Variants in IMPG2 observed in about 807,000 individuals in gnomAD.
The protein encoded by IMPG2 is IPM 200.
In IMPG2, 91 loss-of-function variants were observed where a neutral mutation model predicts 129.2. The ratio of observed to expected loss-of-function variants is 0.70; its 90% CI spans 0.59 to 0.84. IMPG2 has a LOEUF of 0.84. Ranked by LOEUF, IMPG2 falls within the 40% of genes least tolerant of loss-of-function variation. IMPG2 has a pLI of 0.00. For missense variants in IMPG2, 1,430 were observed against 1,461.7 expected, an observed-to-expected ratio of 0.98 and a Z score of 0.35; for synonymous variants, 510 against 517.7, an observed-to-expected ratio of 0.99 and a Z score of 0.20.
At chr3:101,313,964 T>C (rs1261205142) in intron 2 of IMPG2, among the ~76,000 whole-genome samples, 1 of 152,092 alleles carries the variant, frequency 6.6e-6, no homozygotes, top group Non-Finnish European at 1.5e-5. Flanking sequence ...AGAAATTACA[T>C]TTTTTAAAAT....
At chr3:101,247,952 C>G (rs112463771) in intron 11 of IMPG2, among the ~76,000 whole-genome samples, 1,688 of 152,312 alleles carry the variant, frequency 0.011, 31 homozygotes, top group African/African-American at 0.038. Flanking sequence ...CCTCCTCCCC[C>G]TCCTCCAGGA....
At chr3:101,254,691 G>T (rs980882828) in intron 10 of IMPG2, among the ~76,000 whole-genome samples, 109 of 152,006 alleles carry the variant, frequency 7.2e-4, no homozygotes, top group African/African-American at 2.6e-3. Flanking sequence ...CAATTATCTT[G>T]TCTTCTATGA....
chr3:101,248,893 G>A (rs1234046760), intron 11 of IMPG2, among the ~76,000 whole-genome samples: 2 of 152,088 alleles, frequency 1.3e-5, no homozygotes, highest in East Asian at 3.9e-4. Context: ...GCCCTAGGAG[G>A]CTGACCCCTG....
intron 2 of IMPG2, among the ~76,000 whole-genome samples, chr3:101,308,059 C>T (rs957925135): frequency 6.6e-6 from 1 of 152,228 alleles, no homozygotes; most frequent in Non-Finnish European, 1.5e-5. Flanking sequence ...CCATGTCACA[C>T]TGATGTAAGA....
intron 2 of IMPG2, among the ~76,000 whole-genome samples, chr3:101,314,828 G>T (rs986062177): frequency 1.3e-5 from 2 of 152,082 alleles, no homozygotes; most frequent in African/African-American, 2.4e-5. Context: ...CATGTTCATA[G>T]ATCAGAAGAC....
At chr3:101,263,078 A>C (rs1221163945) in intron 9 of IMPG2, among the ~76,000 whole-genome samples, 1 of 152,092 alleles carries the variant, frequency 6.6e-6, no homozygotes, top group African/African-American at 2.4e-5. Context: ...AAATGGAGAG[A>C]TAGACCCCAA....
chr3:101,226,825 AAAAC>A lies in IMPG2; in HGVS notation c.*140_*143del. Reference sequence around the variant, plus strand: ...CATTCTGAAAACTTAAGCTGAAAAAAAAACAGTGTGCCCTATATTTAATTTTTTC... The same window carrying A: ...CATTCTGAAAACTTAAGCTGAAAAAAAGTGTGCCCTATATTTAATTTTTTC... On this transcript the variant is annotated 3_prime_UTR_variant, in exon 19 of 19. Transcript: ENST00000193391. 1.3e-6 allele frequency: 1 copy of A among 793,214 alleles called. No homozygotes were observed. The highest frequency in any genetic ancestry group is 2.6e-5 in the Admixed American group (1 of 38,540). The allele number at this position is 793,214 out of a possible 1,614,324, so 49.1% of individuals were successfully genotyped here.
At chr3:101,268,761 A>T (rs1378541321) in intron 8 of IMPG2, among the ~76,000 whole-genome samples, 2 of 152,138 alleles carry the variant, frequency 1.3e-5, no homozygotes, top group African/African-American at 4.8e-5. Context: ...GCATCACCTA[A>T]ATCATGGCAT....
chr3:101,260,776 T>C (rs1188588412), intron 9 of IMPG2, among the ~76,000 whole-genome samples: 1 of 152,218 alleles, frequency 6.6e-6, no homozygotes, highest in African/African-American at 2.4e-5. Flanking sequence ...CATGAAGACG[T>C]GGTTGGTGCT....
chr3:101,293,609 A>T (rs1238147290), intron 3 of IMPG2, among the ~76,000 whole-genome samples: 1 of 152,220 alleles, frequency 6.6e-6, no homozygotes, highest in Admixed American at 6.5e-5. Context: ...CCATAACAAG[A>T]AATTCAGTCT....
chr3:101,307,678 G>A (rs1450437264), intron 2 of IMPG2, among the ~76,000 whole-genome samples: 1 of 152,064 alleles, frequency 6.6e-6, no homozygotes, highest in Non-Finnish European at 1.5e-5. Context: ...ATTACAATTC[G>A]GATTAAAATT....
At chr3:101,316,860 G>A (rs903850340) in intron 2 of IMPG2, among the ~76,000 whole-genome samples, 15 of 151,884 alleles carry the variant, frequency 9.9e-5, no homozygotes, top group South Asian at 6.2e-4. Context: ...TGGTATATCC[G>A]TAATATAGAA....
intron 7 of IMPG2, among the ~76,000 whole-genome samples, chr3:101,272,842 C>T (rs1238408859): frequency 6.6e-6 from 1 of 152,180 alleles, no homozygotes; most frequent in Non-Finnish European, 1.5e-5. Flanking sequence ...AAGAGAACCC[C>T]ATCAAGAAGG....
chr3:101,292,147 G>A (rs1453573404), intron 3 of IMPG2, among the ~76,000 whole-genome samples: 1 of 152,060 alleles, frequency 6.6e-6, no homozygotes, highest in Non-Finnish European at 1.5e-5. Context: ...AATCTCTCTG[G>A]TGCCAGGCCT....
At chr3:101,315,511 A>G (rs1249745201) in intron 2 of IMPG2, among the ~76,000 whole-genome samples, 1 of 152,034 alleles carries the variant, frequency 6.6e-6, no homozygotes, top group African/African-American at 2.4e-5. Flanking sequence ...TATCAAAAAT[A>G]TGGTATAAAA....
intron 14 of IMPG2, among the ~76,000 whole-genome samples, chr3:101,238,513 C>T (rs576027101): frequency 1.1e-4 from 17 of 152,282 alleles, no homozygotes; most frequent in African/African-American, 3.6e-4. Context: ...AGACTAACAG[C>T]GGATCTCTCT....
rs759974055 is a variant in IMPG2, at chr3:101,304,178, C to T, written c.469G>A (p.Glu157Lys). Residue 157 changes from glutamate (E) to lysine (K), a missense_variant, in exon 3 of 19, where the codon GAA becomes AAA. Transcript: ENST00000193391. Reference sequence around the variant, plus strand: ...ATTAAGCTTCTATGTTCCACAGATTCACTAAAATTTGTGCCCATTTCAAAT... The same window carrying T: ...ATTAAGCTTCTATGTTCCACAGATTTACTAAAATTTGTGCCCATTTCAAAT... ...SIFEMGTNFS[E>K]SVEHRSLIMK... is the part of the protein sequence containing the mutation. The T allele has an allele frequency of 1.2e-6, 2 of 1,613,716 alleles. No homozygotes were observed. Among genetic ancestry groups the T allele is most frequent in the East Asian group, 4.5e-5 (2 of 44,878 alleles).
chr3:101,275,982 G>A (rs1234489714), intron 5 of IMPG2, among the ~76,000 whole-genome samples: 2 of 152,050 alleles, frequency 1.3e-5, no homozygotes, highest in African/African-American at 2.4e-5. Flanking sequence ...GCCAGACTCT[G>A]CACAAGACAC....
chr3:101,243,527 A>T lies in IMPG2; in HGVS notation c.2802+2T>A. 4 of 1,613,416 alleles carry T rather than the reference A, an allele frequency of 2.5e-6. No individual in the cohort carries two copies. Among genetic ancestry groups the T allele is most frequent in the Non-Finnish European group, 3.4e-6 (4 of 1,179,630 alleles). On this transcript the variant is annotated splice_donor_variant, in intron 13 of 18. Transcript: ENST00000193391. LOFTEE classifies it high-confidence loss of function. Reference sequence around the variant, plus strand: ...TGCCCATGTTTCACTTTTTATGCTTACCAATTCTAAGAATCTTTGCTCCAG... The same window carrying T: ...TGCCCATGTTTCACTTTTTATGCTTTCCAATTCTAAGAATCTTTGCTCCAG...
Sources: allele counts gnomAD v4.1 joint callset (sites outside exome capture counted in the v4.1 genomes callset), GRCh38; gene constraint gnomAD v4.1.1; transcripts MANE v1.5; gene names NCBI Gene and HGNC (gene_info 2026-07-23, HGNC 2026-07-21).